The following THOC2 variants were observed in gnomAD, a reference collection of about 807,000 sequenced individuals.
THOC2 encodes the protein THO complex 2.
In THOC2, 10 loss-of-function variants were observed where a neutral mutation model predicts 128.4. The observed-to-expected ratio is 0.08, with a 90% CI of 0.05 to 0.13. The LOEUF is 0.13. THOC2 is among the 10% of genes least tolerant of loss of function. THOC2 has a pLI of 1.00. For synonymous variants in THOC2, 393 were observed against 396.9 expected (o/e 0.99, Z 0.12); for missense variants, 535 against 1,155.7 (o/e 0.46, Z 7.79).
At chrX:123,612,870 G>A (rs1223648677) in intron 36 of THOC2, among the ~76,000 whole-genome samples, 1 of 111,446 alleles carries the variant, frequency 9.0e-6, no homozygotes, top group Non-Finnish European at 1.9e-5. Flanking sequence ...ATTACTTTAT[G>A]GCAGATGCGT....
intron 1 of THOC2, among the ~76,000 whole-genome samples, chrX:123,723,911 T>C (rs1445386847): frequency 9.0e-6 from 1 of 111,430 alleles, no homozygotes; most frequent in African/African-American, 3.3e-5. Flanking sequence ...AACAGTATGT[T>C]GCCTTGACCT....
rs753903176 is a variant in THOC2 at position 123,603,518 on chromosome X, T to C, written c.*19-2180A>G. 1.2e-5 allele frequency: 9 copies of C among 767,127 alleles called. No individual in the cohort carries two copies. In the Admixed American group the frequency reaches 2.2e-4, roughly 19 times the overall value. The allele number at this position is 767,127 out of a possible 1,213,427, so 63.2% of individuals were successfully genotyped here. On this transcript the variant is annotated intron_variant, in intron 38 of 38. Coordinates refer to ENST00000245838, the MANE Select transcript of THOC2 (RefSeq NM_001081550.2). ...AGTAAAAAATGTATACACAGGGACC[T>C]TGCTGTAAGAAACTGCCTGGAGGTG...
chrX:123,686,713 T>C lies in THOC2; in HGVS notation c.603A>G (p.Gly201=). The change falls in exon 8 of 39, where the codon GGA becomes GGG. Residue 201 remains glycine (G), a splice_region_variant and synonymous_variant. Coordinates refer to ENST00000245838, the MANE Select transcript of THOC2 (RefSeq NM_001081550.2). ...LILENIKSLI[G]CFNLDPNRVL... ...CTCTATTGGGATCCAGATTAAAGCA[T>C]CCTGCAACAGATGAGACATACAAAA... 8.5e-7 allele frequency: 1 copy of C among 1,170,509 alleles called. No individual in the cohort carries two copies. The highest frequency in any genetic ancestry group is 1.1e-6 in the Non-Finnish European group (1 of 872,936).
chrX:123,724,077 G>A (rs1346757769), intron 1 of THOC2, among the ~76,000 whole-genome samples: 1 of 111,617 alleles, frequency 9.0e-6, no homozygotes, highest in Non-Finnish European at 1.9e-5. Flanking sequence ...AATTCATATA[G>A]AAGAGTTTCT....
intron 4 of THOC2, among the ~76,000 whole-genome samples, chrX:123,700,404 G>C (rs1172286748): frequency 9.4e-6 from 1 of 105,959 alleles, no homozygotes. Context: ...AGGAGGCTGA[G>C]GCAGGAGAAT....
intron 8 of THOC2, among the ~76,000 whole-genome samples, chrX:123,675,764 T>TTG (rs768937744): frequency 4.5e-5 from 5 of 112,185 alleles, no homozygotes; most frequent in Non-Finnish European, 7.5e-5. Flanking sequence ...GGATTTATTG[T>TTG]TGTGTGTGTG....
intron 12 of THOC2, among the ~76,000 whole-genome samples, chrX:123,664,743 C>T (rs1425079907): frequency 8.9e-6 from 1 of 111,875 alleles, no homozygotes; most frequent in Non-Finnish European, 1.9e-5. Context: ...AACACTTTCA[C>T]ACTGTTGGTG....
At chrX:123,611,778 A>C (rs1171013376) in intron 36 of THOC2, among the ~76,000 whole-genome samples, 5 of 107,162 alleles carry the variant, frequency 4.7e-5, no homozygotes, top group Admixed American at 2.1e-4. Flanking sequence ...CACCTATCTC[A>C]TAAGGATCTA....
chrX:123,606,690 T>C (rs754790361), intron 38 of THOC2, among the ~76,000 whole-genome samples: 1 of 112,243 alleles, frequency 8.9e-6, no homozygotes, highest in Non-Finnish European at 1.9e-5. Flanking sequence ...ACGTAGGATT[T>C]AGAGGATAAA....
At chrX:123,626,780 G>A in intron 23 of THOC2, 118 bp from the exon 24 acceptor site, 1 of 659,207 alleles carries the variant, frequency 1.5e-6, no homozygotes, top group Non-Finnish European at 2.2e-6. Flanking sequence ...CATGAATATA[G>A]GTCCACTTGA....
intron 1 of THOC2, among the ~76,000 whole-genome samples, chrX:123,724,398 A>G (rs933761439): frequency 3.6e-5 from 4 of 112,263 alleles, no homozygotes; most frequent in Non-Finnish European, 5.6e-5. Context: ...TAAAAAGGCA[A>G]TGGAAGCCGG....
chrX:123,621,027 A>G, intron 31 of THOC2, 62 bp from the exon 32 acceptor site: 2 of 1,189,800 alleles, frequency 1.7e-6, no homozygotes, highest in Non-Finnish European at 2.3e-6. Flanking sequence ...AACACTTAAA[A>G]AAAAACACCA....
chrX:123,693,585 T>C (rs1274129150), intron 7 of THOC2, among the ~76,000 whole-genome samples: 1 of 110,907 alleles, frequency 9.0e-6, no homozygotes, highest in African/African-American at 3.3e-5. Context: ...AGGAAAAAAA[T>C]GCTAAGAGTC....
chrX:123,696,623 CA>C, intron 6 of THOC2, 97 bp downstream of exon 6: 1 of 886,856 alleles, frequency 1.1e-6, no homozygotes, highest in Admixed American at 3.7e-5. Flanking sequence ...ACAAAAAAAA[CA>C]ATCTTCAAAG....
intron 1 of THOC2, among the ~76,000 whole-genome samples, chrX:123,718,044 A>G (rs1215698086): frequency 8.9e-6 from 1 of 112,755 alleles, no homozygotes; most frequent in Non-Finnish European, 1.9e-5. Flanking sequence ...ACTGTATATT[A>G]CAAAACTAGG....
intron 8 of THOC2, among the ~76,000 whole-genome samples, chrX:123,673,147 C>T (rs758520064): frequency 5.4e-5 from 6 of 111,128 alleles, no homozygotes; most frequent in African/African-American, 9.8e-5. Context: ...GAGACCAGCC[C>T]GGACAACACA....
intron 38 of THOC2, chrX:123,603,619 T>A: frequency 1.7e-6 from 1 of 591,361 alleles, no homozygotes; most frequent in Non-Finnish European, 2.9e-6. Context: ...TCTTCTGACT[T>A]AAAGCAGATT....
chrX:123,731,189 C>T (rs2982134), intron 1 of THOC2, among the ~76,000 whole-genome samples: 34,288 of 111,097 alleles, frequency 0.31, 3,978 homozygotes, highest in East Asian at 0.67. Context: ...TCAAACTTGA[C>T]AGCTATTTGT....
chrX:123,644,231 T>C (rs1190456625), intron 15 of THOC2, among the ~76,000 whole-genome samples: 3 of 112,374 alleles, frequency 2.7e-5, no homozygotes, highest in African/African-American at 6.5e-5. Flanking sequence ...GCTAGAACTT[T>C]TACTACCTTG....
Sources: allele counts gnomAD v4.1 joint callset (sites outside exome capture counted in the v4.1 genomes callset), GRCh38; gene constraint gnomAD v4.1.1; transcripts MANE v1.5; gene names NCBI Gene and HGNC (gene_info 2026-07-23, HGNC 2026-07-21).